The following BICC1 variants were observed in gnomAD, a reference collection of about 807,000 sequenced individuals.
BICC1 encodes the protein protein bicaudal C homolog 1.
In BICC1, 43 loss-of-function variants were observed where a neutral mutation model predicts 111.0. The observed-to-expected ratio is 0.39, with a 90% CI of 0.30 to 0.50. The LOEUF (loss-of-function observed/expected upper bound fraction) is 0.50. Ranked by LOEUF, BICC1 falls within the 20% of genes least tolerant of loss-of-function variation. The pLI is 0.88. For missense variants in BICC1, 1,091 were observed against 1,203.2 expected, an observed-to-expected ratio of 0.91 and a Z score of 1.38; for synonymous variants, 467 against 434.4, an observed-to-expected ratio of 1.07 and a Z score of -0.93.
intron 2 of BICC1, among the ~76,000 whole-genome samples, chr10:58,698,460 G>T (rs753257011): frequency 6.6e-6 from 1 of 152,006 alleles, no homozygotes; most frequent in African/African-American, 2.4e-5. Context: ...TTTAGGTCAC[G>T]GCATTAGTAA....
At position 58,823,833 on chromosome 10, in the gene BICC1, A is replaced by C. The variant is rs990501214; in HGVS notation, c.2794+3365A>C. 5.1e-6 allele frequency: 5 copies of C among 985,112 alleles called. No individual in the cohort carries two copies. In the African/African-American group the frequency reaches 8.7e-5, roughly 17 times the overall value. 61.0% of individuals were successfully genotyped at this position (985,112 alleles called of 1,614,324 possible). A position where few individuals can be genotyped will look rare whatever the true frequency, so the allele number is the denominator to read the frequency against. On this transcript the variant is annotated intron_variant, in intron 20 of 20. Transcript: ENST00000373886. ...ATTCATTTATTCTTAACGCTTCTAT[A>C]AGTTTGCCTTTAAATATATTCAATT...
chr10:58,717,519 TTAAA>T (rs1181956161), intron 3 of BICC1, among the ~76,000 whole-genome samples: 3 of 152,152 alleles, frequency 2.0e-5, no homozygotes, highest in Non-Finnish European at 4.4e-5. Flanking sequence ...CAAGTTAAGT[TTAAA>T]TAAGAGTTAA....
chr10:58,618,244 G>T (rs1158829994), intron 1 of BICC1, among the ~76,000 whole-genome samples: 1 of 152,198 alleles, frequency 6.6e-6, no homozygotes, highest in Non-Finnish European at 1.5e-5. Flanking sequence ...CTAGGGGGTG[G>T]AGTGTAAGGA....
At chr10:58,769,283 AACACACAC>A (rs3076306) in intron 3 of BICC1, among the ~76,000 whole-genome samples, 5 of 145,402 alleles carry the variant, frequency 3.4e-5, no homozygotes, top group African/African-American at 7.6e-5. Flanking sequence ...AAATGTTCTC[AACACACAC>A]ACACACACAC....
chr10:58,830,221 TC>T lies in BICC1; in HGVS notation c.*1331del, dbSNP rs1446713821. 6.6e-6 allele frequency: 1 copy of T among 152,142 alleles called. No individual in the cohort carries two copies. Among genetic ancestry groups the T allele is most frequent in the East Asian group, 1.9e-4 (1 of 5,200 alleles). 9.4% of individuals were successfully genotyped at this position (152,142 alleles called of 1,614,324 possible). ...TCTTATACTGTGAAAGTCCAAGAAA[TC>T]AGGCAACATTGTTTCCTGGGTCTTT... is the stretch of plus-strand genomic sequence containing the variant. On this transcript the variant is annotated 3_prime_UTR_variant, in exon 21 of 21. Coordinates refer to ENST00000373886, the MANE Select transcript of BICC1 (RefSeq NM_001080512.3).
chr10:58,552,537 G>A (rs1236844519), intron 1 of BICC1, among the ~76,000 whole-genome samples: 4 of 152,026 alleles, frequency 2.6e-5, no homozygotes, highest in South Asian at 2.1e-4. Flanking sequence ...GGGTTTCACC[G>A]TGTTAGCCAG....
intron 1 of BICC1, among the ~76,000 whole-genome samples, chr10:58,579,383 C>G (rs897518636): frequency 1.3e-5 from 2 of 152,182 alleles, no homozygotes; most frequent in Non-Finnish European, 2.9e-5. Flanking sequence ...GCTGACGTGT[C>G]ACACCCACAG....
intron 1 of BICC1, among the ~76,000 whole-genome samples, chr10:58,616,911 T>G (rs1450008108): frequency 6.6e-6 from 1 of 152,204 alleles, no homozygotes; most frequent in African/African-American, 2.4e-5. Context: ...GAAGTGACAA[T>G]GCTCCCCTTG....
chr10:58,626,230 T>C (rs1176276522), intron 2 of BICC1, among the ~76,000 whole-genome samples: 1 of 152,174 alleles, frequency 6.6e-6, no homozygotes, highest in African/African-American at 2.4e-5. Flanking sequence ...TGATCATCAA[T>C]GTGCGTCATT....
rs928706385 is a variant in BICC1, at chr10:58,793,565, C to G, written c.1129C>G (p.Gln377Glu). Residue 377 changes from glutamine (Q) to glutamate (E), a missense_variant, in exon 9 of 21, where the codon CAG (glutamine) becomes GAG (glutamate). By Grantham distance (29) the Gln-to-Glu change is conservative (BLOSUM62 2). Coordinates refer to ENST00000373886, the MANE Select transcript of BICC1 (RefSeq NM_001080512.3). The part of the protein sequence containing the change: ...DPQFIAQLME[Q>E]LDVFISIKPK... ...ACAATTCATTGCGCAGTTGATGGAA[C>G]AGCTTGATGTCTTCATCAGTATTAA... The G allele has an allele frequency of 1.9e-6, 3 of 1,613,754 alleles. 1 individual carries two copies. Among genetic ancestry groups the G allele is most frequent in the South Asian group, 2.2e-5 (2 of 91,028 alleles).
chr10:58,658,430 C>T (rs1009648067), intron 2 of BICC1, among the ~76,000 whole-genome samples: 5 of 152,074 alleles, frequency 3.3e-5, no homozygotes, highest in African/African-American at 4.8e-5. Flanking sequence ...CTCAGTGATC[C>T]ACCTGCTTGG....
At chr10:58,538,600 T>C (rs1842883066) in intron 1 of BICC1, among the ~76,000 whole-genome samples, 1 of 151,600 alleles carries the variant, frequency 6.6e-6, no homozygotes, top group Non-Finnish European at 1.5e-5. Flanking sequence ...AAAGCAAAAA[T>C]AAATAAATGG....
chr10:58,662,943 A>G (rs530183555), intron 2 of BICC1, among the ~76,000 whole-genome samples: 1 of 152,288 alleles, frequency 6.6e-6, no homozygotes, highest in Admixed American at 6.5e-5. Flanking sequence ...TCCAGTGTCT[A>G]GAATAGTACC....
intron 2 of BICC1, among the ~76,000 whole-genome samples, chr10:58,681,659 C>T (rs988375663): frequency 1.2e-4 from 18 of 152,088 alleles, no homozygotes; most frequent in Admixed American, 2.0e-4. Flanking sequence ...TGGTTCCTTC[C>T]GGTGGGTTCT....
chr10:58,708,167 T>G (rs1840456850), intron 3 of BICC1, among the ~76,000 whole-genome samples: 1 of 148,504 alleles, frequency 6.7e-6, no homozygotes, highest in African/African-American at 2.5e-5. Context: ...TTTTTTTGTA[T>G]TTTTAGTAGA....
At chr10:58,617,214 T>A (rs1363523792) in intron 1 of BICC1, among the ~76,000 whole-genome samples, 2 of 152,242 alleles carry the variant, frequency 1.3e-5, no homozygotes, top group Non-Finnish European at 2.9e-5. Flanking sequence ...CAGGATGGGC[T>A]ACAGTCGTCG....
In BICC1 at chr10:58,737,039, T is replaced by A. The variant is rs554657751; in HGVS notation, c.307+34896T>A. ...ATGAAATACTATATATGTCAACATTTGAAAAAAAATTTTTTTTGAGACAGT... is the reference window on the plus strand; with the variant it reads ...ATGAAATACTATATATGTCAACATTAGAAAAAAAATTTTTTTTGAGACAGT... On this transcript the variant is annotated intron_variant, in intron 3 of 20. Coordinates refer to ENST00000373886, the MANE Select transcript of BICC1 (RefSeq NM_001080512.3). Among the ~76,000 whole-genome samples the A allele has an allele frequency of 3.3e-5, 5 of 152,302 alleles. No homozygotes were observed. In the South Asian group the frequency reaches 1.0e-3, roughly 32 times the overall value.
chr10:58,718,737 T>C (rs888743978), intron 3 of BICC1, among the ~76,000 whole-genome samples: 46 of 137,318 alleles, frequency 3.3e-4, no homozygotes, highest in African/African-American at 1.1e-3. Flanking sequence ...ATTAATAGCA[T>C]GGAAATGTGT....
intron 3 of BICC1, chr10:58,716,017 G>T (rs1342310300): frequency 7.1e-7 from 1 of 1,409,562 alleles, no homozygotes; most frequent in Non-Finnish European, 9.8e-7. Flanking sequence ...AGACAGTAAG[G>T]ATAGTTTAAA....
Sources: allele counts gnomAD v4.1 joint callset (sites outside exome capture counted in the v4.1 genomes callset), GRCh38; gene constraint gnomAD v4.1.1; transcripts MANE v1.5; gene names NCBI Gene and HGNC (gene_info 2026-07-23, HGNC 2026-07-21).